PLCH2: variants seen among roughly 807,000 people sequenced by gnomAD.
PLCH2 encodes phospholipase C eta 2, also known as 1-phosphatidylinositol 4,5-bisphosphate phosphodiesterase eta-2.
Under a neutral mutation model 134.7 loss-of-function variants are expected in PLCH2, and 98 were observed. That is an observed-to-expected ratio of 0.73 (90% CI 0.62 to 0.86). PLCH2 has a LOEUF of 0.86. PLCH2 is among the 40% of genes least tolerant of loss of function. The pLI, the probability that PLCH2 is intolerant of heterozygous loss-of-function variation, is 0.00. For missense variants in PLCH2, 1,994 were observed against 1,986.6 expected (o/e 1.00, Z -0.07); for synonymous variants, 974 against 827.5 (o/e 1.18, Z -3.04).
intron 2 of PLCH2, among the ~76,000 whole-genome samples, chr1:2,459,648 T>TCCGGTGGTCCTCCTTG (rs1557970411): frequency 2.9e-5 from 1 of 34,420 alleles, no homozygotes; most frequent in African/African-American, 8.8e-5. Flanking sequence ...GGTCTTCCTT[T>TCCGGTGGTCCTCCTTG]CCGGTGGTCC....
intron 2 of PLCH2, among the ~76,000 whole-genome samples, chr1:2,442,439 C>A (rs952942455): frequency 1.2e-4 from 18 of 152,236 alleles, no homozygotes; most frequent in African/African-American, 2.7e-4. Flanking sequence ...CCCTACCCCA[C>A]CCCTGGCCTC....
intron 2 of PLCH2, among the ~76,000 whole-genome samples, chr1:2,451,909 G>A (rs79439154): frequency 0.015 from 2,319 of 152,356 alleles, 54 homozygotes; most frequent in African/African-American, 0.053. Context: ...TGGTGGGGAA[G>A]TGTCTGTTTG....
chr1:2,475,226 G>A (rs1442584554), upstream of PLCH2, among the ~76,000 whole-genome samples: 4 of 152,302 alleles, frequency 2.6e-5, no homozygotes, highest in East Asian at 5.8e-4. Flanking sequence ...CCCAGCCCTG[G>A]CACCTCCCTG....
upstream of PLCH2, among the ~76,000 whole-genome samples, chr1:2,473,377 A>G (rs1313867294): frequency 6.6e-6 from 1 of 152,154 alleles, no homozygotes; most frequent in Non-Finnish European, 1.5e-5. Flanking sequence ...TCTGCGTGTC[A>G]CCGTGGGGCC....
chr1:2,461,912 G>A (rs887571082), intron 2 of PLCH2, among the ~76,000 whole-genome samples: 2 of 152,110 alleles, frequency 1.3e-5, no homozygotes, highest in African/African-American at 4.8e-5. Flanking sequence ...CCATCCACCC[G>A]GGACCCCCTG....
rs757536444 is a variant in PLCH2 at position 2,498,507 on chromosome 1, C to T, written c.2225-16C>T. 4 of 1,602,130 alleles carry T rather than the reference C, an allele frequency of 2.5e-6. No individual in the cohort carries two copies. Among genetic ancestry groups the T allele is most frequent in the East Asian group, 2.2e-5 (1 of 44,586 alleles). On this transcript the variant is annotated splice_polypyrimidine_tract_variant and intron_variant, in intron 16 of 21. Coordinates refer to ENST00000378486, the MANE Select transcript of PLCH2 (RefSeq NM_014638.4). This position sits in a 1 kb window ranked among gnomAD's most constrained non-coding sequence, Gnocchi z 5.4. ...TGAGGGCTGGGCCACTGACCACCTC[C>T]CCGGCATCCCCTCAGGCGTGTTCAA... is the stretch of plus-strand genomic sequence containing the variant.
intron 1 of PLCH2, 21 bp downstream of exon 1, chr1:2,476,733 G>A: frequency 1.3e-6 from 2 of 1,587,980 alleles, no homozygotes; most frequent in Non-Finnish European, 1.7e-6. Flanking sequence ...GCAGGCGAGT[G>A]GCCTGGGCTG....
At chr1:2,491,019 G>A (rs115840841) in intron 10 of PLCH2, among the ~76,000 whole-genome samples, 173 bp from the exon 11 acceptor site, 2,050 of 152,370 alleles carry the variant, frequency 0.013, 17 homozygotes, top group Non-Finnish European at 0.02. Flanking sequence ...TGCTGGAGGA[G>A]TCGGGTGGGC....
chr1:2,474,298 T>C (rs115622172), upstream of PLCH2, among the ~76,000 whole-genome samples: 733 of 152,150 alleles, frequency 4.8e-3, 3 homozygotes, highest in African/African-American at 0.017. Flanking sequence ...ACGCTGCAGC[T>C]GCGGTTCTGT....
intron 2 of PLCH2, among the ~76,000 whole-genome samples, chr1:2,454,456 G>C (rs1292397509): frequency 6.6e-6 from 1 of 152,204 alleles, no homozygotes; most frequent in Non-Finnish European, 1.5e-5. Context: ...ATGTGGTGTG[G>C]TCCCCTCCGG....
At chr1:2,429,801 G>A (rs756033861) in intron 1 of PLCH2, among the ~76,000 whole-genome samples, 6 of 152,110 alleles carry the variant, frequency 3.9e-5, no homozygotes, top group Non-Finnish European at 8.8e-5. Flanking sequence ...GCTCCTCCTC[G>A]GGGCCGTGGG....
chr1:2,456,280 C>T (rs536735192), intron 2 of PLCH2, among the ~76,000 whole-genome samples: 29 of 152,316 alleles, frequency 1.9e-4, no homozygotes, highest in Middle Eastern at 3.4e-3. Context: ...CGCAGCCCCC[C>T]CAGTTCGTCC....
Position 2,478,539 on chromosome 1 carries a change from A to T in PLCH2, c.188A>T (p.Lys63Met). The T allele has an allele frequency of 6.2e-7, 1 of 1,612,870 alleles. No individual in the cohort carries two copies. The change falls in exon 2 of 22, where the codon AAG becomes ATG. Residue 63 changes from lysine (K) to methionine (M), a missense_variant. Physicochemically the swap from Lys to Met is moderately conservative, Grantham distance 95. Around this residue, in one of 2 missense-constraint regions of PLCH2, gnomAD observed 1,094 missense variants for 1,234.3 expected, o/e 0.89. Transcript: ENST00000378486. ...ATGGTGAAGCTGCGTGGCGGCTCCAAGGGCCTGGTCCGCTTCTACTACCTG... is the reference window on the plus strand; with the variant it reads ...ATGGTGAAGCTGCGTGGCGGCTCCATGGGCCTGGTCCGCTTCTACTACCTG... ...MQMVKLRGGS[K>M]GLVRFYYLDE...
upstream of PLCH2, among the ~76,000 whole-genome samples, chr1:2,472,444 A>AG (rs1315390925): frequency 2.0e-5 from 3 of 152,068 alleles, no homozygotes; most frequent in Non-Finnish European, 4.4e-5. Context: ...TGCGAGGGGC[A>AG]GGGGGGCGCG....
At chr1:2,484,112 C>A (rs571638816) in intron 4 of PLCH2, among the ~76,000 whole-genome samples, 1 of 151,632 alleles carries the variant, frequency 6.6e-6, no homozygotes. Flanking sequence ...TTGACTCCTG[C>A]GTGGGTGTTG....
rs374518715 is a variant in PLCH2, at chr1:2,496,898, G to A, written c.2004G>A (p.Ala668=). 163 of 1,612,938 alleles carry A rather than the reference G, an allele frequency of 1.0e-4. No individual in the cohort carries two copies. Among genetic ancestry groups the A allele is most frequent in the East Asian group, 2.2e-4 (10 of 44,892 alleles). Residue 668 remains alanine (A), a synonymous_variant, in exon 15 of 22, where the codon GCG becomes GCA. Transcript: ENST00000378486. ...KAHQILQQKP[A]QYLRFNQQQL... is the part of the protein sequence containing the mutation. ...ACCAGATTCTGCAGCAGAAGCCGGC[G>A]CAGTACCTACGCTTCAACCAGCAGC...
intron 2 of PLCH2, 45 bp downstream of exon 2, chr1:2,478,667 G>T: frequency 1.3e-6 from 2 of 1,557,130 alleles, no homozygotes; most frequent in Non-Finnish European, 1.7e-6. Context: ...GTCCCTGGGG[G>T]GACACGACGG....
intron 2 of PLCH2, among the ~76,000 whole-genome samples, chr1:2,458,546 G>A (rs769413259): frequency 2.6e-5 from 4 of 152,144 alleles, no homozygotes; most frequent in African/African-American, 9.7e-5. Flanking sequence ...CTGGCAGGCC[G>A]GGTGGACCCA....
chr1:2,489,221 T>G lies in PLCH2; in HGVS notation c.1250T>G (p.Leu417Arg). 1 of 1,613,830 alleles carries G rather than the reference T, an allele frequency of 6.2e-7. No individual in the cohort carries two copies. The highest frequency in any genetic ancestry group is 8.5e-7 in the Non-Finnish European group (1 of 1,179,836). The change falls in exon 9 of 22, where the codon CTG becomes CGG. Residue 417 changes from leucine to arginine, a missense_variant. By Grantham distance (102) the Leu-to-Arg change is moderately radical (BLOSUM62 -2). This residue lies in a region of PLCH2 where 1,094 missense variants were observed against 1,234.3 expected (regional missense o/e 0.89). Coordinates refer to ENST00000378486, the MANE Select transcript of PLCH2 (RefSeq NM_014638.4). Reference protein sequence around the residue: ...AFIKNEYPVILSIENHCSVIQ... With the variant: ...AFIKNEYPVIRSIENHCSVIQ... ...TGGGGCCACAGGTACCCAGTGATCCTGTCCATCGAAAACCACTGCAGTGTC... is the reference window on the plus strand; with the variant it reads ...TGGGGCCACAGGTACCCAGTGATCCGGTCCATCGAAAACCACTGCAGTGTC...
Sources: allele counts gnomAD v4.1 joint callset (sites outside exome capture counted in the v4.1 genomes callset), GRCh38; gene constraint gnomAD v4.1.1; regional missense constraint gnomAD v4.1.1; non-coding constraint Gnocchi (gnomAD v3.1); transcripts MANE v1.5; gene names NCBI Gene and HGNC (gene_info 2026-07-23, HGNC 2026-07-21).